The following HDAC9 variants were observed in gnomAD, a reference collection of about 807,000 sequenced individuals.
The protein encoded by HDAC9 is histone deacetylase 9, also known as MEF-2 interacting transcription repressor (MITR) protein.
In HDAC9, 41 loss-of-function variants were observed where a neutral mutation model predicts 139.4. The ratio of observed to expected loss-of-function variants is 0.29; its 90% confidence interval spans 0.23 to 0.38. HDAC9 has a LOEUF of 0.38. Among genes scored for constraint, HDAC9 ranks in the 10% least tolerant of loss-of-function variants. The pLI, the probability that HDAC9 is intolerant of heterozygous loss-of-function variation, is 1.00. For missense variants in HDAC9, 1,147 were observed against 1,297.0 expected, an observed-to-expected ratio of 0.88 and a Z score of 1.78; for synonymous variants, 517 against 476.2, an observed-to-expected ratio of 1.09 and a Z score of -1.12.
At chr7:18,570,595 G>T (rs145586029) in intron 2 of HDAC9, among the ~76,000 whole-genome samples, 64 of 152,278 alleles carry the variant, frequency 4.2e-4, no homozygotes, top group African/African-American at 1.5e-3. Context: ...TGAGATCATG[G>T]ACTCTGGAGC....
rs150064965 is a variant in HDAC9 at position 18,558,680 on chromosome 7, G to A, written c.23-26601G>A. ...ACCCATTCAAACTAGCACTGAAAGA[G>A]AAGTCTGACTCACTGACCACCACTT... is the stretch of plus-strand genomic sequence containing the variant. On this transcript the variant is annotated intron_variant, in intron 2 of 25. Transcript: ENST00000686413. Among the ~76,000 whole-genome samples, 28 of 152,288 alleles carry A rather than the reference G, an allele frequency of 1.8e-4. No individual in the cohort carries two copies. In the East Asian group the frequency reaches 5.2e-3, roughly 28 times the overall value.
intron 2 of HDAC9, among the ~76,000 whole-genome samples, chr7:18,236,555 A>G (rs780590203): frequency 2.6e-5 from 4 of 152,224 alleles, no homozygotes; most frequent in Admixed American, 6.5e-5. Context: ...AAATTAAGAT[A>G]GTTACACATC....
intron 1 of HDAC9, among the ~76,000 whole-genome samples, chr7:18,432,484 C>T (rs1459380466): frequency 6.6e-6 from 1 of 152,172 alleles, no homozygotes; most frequent in African/African-American, 2.4e-5. Context: ...ACATAGATTT[C>T]TCATCACATT....
At chr7:18,556,533 A>G (rs1208751280) in intron 2 of HDAC9, among the ~76,000 whole-genome samples, 1 of 152,178 alleles carries the variant, frequency 6.6e-6, no homozygotes, top group East Asian at 1.9e-4. Flanking sequence ...CGTCTTTACT[A>G]TCTAAATAAT....
chr7:18,097,351 C>A (rs1189335715), intron 1 of HDAC9, among the ~76,000 whole-genome samples: 1 of 152,080 alleles, frequency 6.6e-6, no homozygotes, highest in Non-Finnish European at 1.5e-5. Context: ...TGACCAGCAA[C>A]ATTGGATGTC....
intron 2 of HDAC9, among the ~76,000 whole-genome samples, chr7:18,238,931 C>T (rs1794005966): frequency 1.3e-5 from 2 of 152,172 alleles, no homozygotes; most frequent in Admixed American, 6.6e-5. Flanking sequence ...AGGAACATTG[C>T]CTTAGGCACT....
intron 22 of HDAC9, among the ~76,000 whole-genome samples, chr7:18,932,074 A>G (rs1804794565): frequency 6.6e-6 from 1 of 152,200 alleles, no homozygotes. Flanking sequence ...GGAAAGAAAG[A>G]GACTGGATAT....
chr7:18,590,430 G>A lies in HDAC9; in HGVS notation c.359G>A (p.Arg120Lys). ...EQQRQEQEVE[R>K]HRREQQLPPL... ...CAGAGGCAAGAACAGGAAGTAGAGA[G>A]GCATCGCAGAGAACAGCAGCTTCCT... The change falls in exon 4 of 26, where the codon AGG becomes AAG. Residue 120 changes from arginine (R) to lysine (K), a missense_variant. By Grantham distance (26) the Arg-to-Lys change is conservative. Coordinates refer to ENST00000686413, the MANE Select transcript of HDAC9 (RefSeq NM_178425.4). 1 of 1,607,936 alleles carries A rather than the reference G, an allele frequency of 6.2e-7. No homozygotes were observed. Among genetic ancestry groups the A allele is most frequent in the Non-Finnish European group, 8.5e-7 (1 of 1,176,980 alleles).
At chr7:18,366,324 T>G (rs889166017) in intron 1 of HDAC9, among the ~76,000 whole-genome samples, 21 of 152,146 alleles carry the variant, frequency 1.4e-4, no homozygotes, top group Non-Finnish European at 2.8e-4. Context: ...TTCTGTGTGC[T>G]TTAGAAGAAA....
At chr7:18,093,564 G>T (rs190523017) in intron 1 of HDAC9, among the ~76,000 whole-genome samples, 3 of 152,156 alleles carry the variant, frequency 2.0e-5, no homozygotes, top group African/African-American at 7.2e-5. Context: ...GTAAGAATGG[G>T]GAGTAGAGGC....
chr7:18,581,314 A>G (rs1583647345), intron 2 of HDAC9, among the ~76,000 whole-genome samples: 1 of 152,290 alleles, frequency 6.6e-6, no homozygotes, highest in African/African-American at 2.4e-5. Flanking sequence ...GCAATTATTT[A>G]TAATCAAGAG....
chr7:18,420,433 T>G (rs1286332527), intron 1 of HDAC9, among the ~76,000 whole-genome samples: 1 of 152,238 alleles, frequency 6.6e-6, no homozygotes, highest in South Asian at 2.1e-4. Context: ...GGCCCTGGTA[T>G]AATAATATAA....
At chr7:18,171,570 T>C (rs1266428350) in intron 2 of HDAC9, among the ~76,000 whole-genome samples, 5 of 152,210 alleles carry the variant, frequency 3.3e-5, no homozygotes, top group Admixed American at 2.0e-4. Flanking sequence ...CAGTATGATA[T>C]TGGCTGTGGG....
At chr7:18,570,113 G>A (rs1823771569) in intron 2 of HDAC9, among the ~76,000 whole-genome samples, 1 of 152,070 alleles carries the variant, frequency 6.6e-6, no homozygotes, top group Non-Finnish European at 1.5e-5. Flanking sequence ...TCATTACCAG[G>A]CAGTCTTTAC....
upstream of HDAC9, among the ~76,000 whole-genome samples, chr7:18,287,614 G>GCCTT (rs1797534903): frequency 6.6e-6 from 1 of 152,240 alleles, no homozygotes; most frequent in Non-Finnish European, 1.5e-5. Context: ...CCACAGTTGA[G>GCCTT]AGCAGATGGC....
At chr7:18,199,928 T>C (rs1790998948) in intron 2 of HDAC9, among the ~76,000 whole-genome samples, 1 of 151,828 alleles carries the variant, frequency 6.6e-6, no homozygotes, top group Admixed American at 6.6e-5. Flanking sequence ...AGACCTTGTC[T>C]CTGAAACAAA....
intron 2 of HDAC9, chr7:18,517,583 A>G (rs1162323992): frequency 6.6e-6 from 1 of 152,192 alleles, no homozygotes; most frequent in African/African-American, 2.4e-5. Flanking sequence ...TACACATCAT[A>G]TACCAACTTT....
chr7:18,682,044 A>T (rs936984728), intron 12 of HDAC9, among the ~76,000 whole-genome samples: 2 of 152,114 alleles, frequency 1.3e-5, no homozygotes, highest in Admixed American at 6.6e-5. Flanking sequence ...GGTTAAATTT[A>T]TTAAGAAAAG....
chr7:18,287,262 CAAAGAAA>C (rs1015212506), upstream of HDAC9, among the ~76,000 whole-genome samples: 2 of 150,934 alleles, frequency 1.3e-5, no homozygotes, highest in Non-Finnish European at 2.9e-5. Flanking sequence ...GAAAATACTG[CAAAGAAA>C]AAAGAAAAAT....
Sources: gnomAD v4.1 joint callset for allele counts (sites outside exome capture counted in the v4.1 genomes callset) on GRCh38, gnomAD v4.1.1 for gene constraint, MANE v1.5 for transcripts, NCBI Gene and HGNC (gene_info 2026-07-23, HGNC 2026-07-21) for gene names.